DNAH11: variants seen among roughly 807,000 people sequenced by gnomAD.
DNAH11 encodes the protein dynein axonemal heavy chain 11, also known as axonemal beta dynein heavy chain 11.
In DNAH11, 442 loss-of-function variants were observed where a neutral mutation model predicts 526.0. The observed-to-expected ratio is 0.84, with a 90% CI of 0.78 to 0.91. The LOEUF (loss-of-function observed/expected upper bound fraction) is 0.91. Among genes scored for constraint, DNAH11 ranks in the 40% least tolerant of loss-of-function variants. The pLI is 0.00. For missense variants in DNAH11, 6,989 were observed against 5,448.7 expected, an observed-to-expected ratio of 1.28 and a Z score of -8.90; for synonymous variants, 2,461 against 1,935.9, an observed-to-expected ratio of 1.27 and a Z score of -7.12.
intron 45 of DNAH11, among the ~76,000 whole-genome samples, chr7:21,727,267 A>G (rs1785167553): frequency 6.6e-6 from 1 of 152,164 alleles, no homozygotes; most frequent in Admixed American, 6.5e-5. Context: ...TAACAACTTA[A>G]TTCTGTAATA....
At position 21,705,518 on chromosome 7, in the gene DNAH11, C is replaced by G; in HGVS notation, c.6527C>G (p.Ala2176Gly). The G allele has an allele frequency of 6.2e-7, 1 of 1,613,600 alleles. No homozygotes were observed. Among genetic ancestry groups the G allele is most frequent in the Non-Finnish European group, 8.5e-7 (1 of 1,179,636 alleles). ...VRHSVFVVGN[A>G]GTGKSKILRT... ...CACTCGGTCTTTGTAGTTGGAAATGCAGGCACAGGAAAGAGTAAGGTATAG... is the reference window on the plus strand; with the variant it reads ...CACTCGGTCTTTGTAGTTGGAAATGGAGGCACAGGAAAGAGTAAGGTATAG... The change falls in exon 39 of 82, where the codon GCA (alanine) becomes GGA (glycine). Residue 2176 changes from alanine to glycine, a missense_variant. Ala to Gly is a moderately conservative substitution (Grantham distance 60, BLOSUM62 0). Coordinates refer to ENST00000409508, the MANE Select transcript of DNAH11 (RefSeq NM_001277115.2).
At chr7:21,831,047 G>C (rs1790530428) in intron 65 of DNAH11, among the ~76,000 whole-genome samples, 1 of 152,200 alleles carries the variant, frequency 6.6e-6, no homozygotes, top group Non-Finnish European at 1.5e-5. Flanking sequence ...ACACCCACTT[G>C]ACTCTCCGTG....
At chr7:21,571,568 T>A (rs1783890544) in intron 7 of DNAH11, among the ~76,000 whole-genome samples, 1 of 152,150 alleles carries the variant, frequency 6.6e-6, no homozygotes, top group Admixed American at 6.5e-5. Context: ...GCGTGAGCCC[T>A]GTGCCTGGCC....
At chr7:21,639,760 G>C (rs542663947) in intron 28 of DNAH11, among the ~76,000 whole-genome samples, 1 of 152,102 alleles carries the variant, frequency 6.6e-6, no homozygotes, top group Non-Finnish European at 1.5e-5. Context: ...TATTCACTTA[G>C]ATCTTACAGT....
chr7:21,728,730 G>A (rs1425550284), intron 45 of DNAH11, among the ~76,000 whole-genome samples: 1 of 152,156 alleles, frequency 6.6e-6, no homozygotes, highest in Non-Finnish European at 1.5e-5. Context: ...AACCAGAGAA[G>A]TTACCTGCTT....
intron 61 of DNAH11, among the ~76,000 whole-genome samples, chr7:21,789,844 C>CTT: frequency 9.2e-6 from 1 of 108,946 alleles, no homozygotes; most frequent in African/African-American, 3.1e-5. Context: ...TTCTTTCTTT[C>CTT]TTTCTTTCTC....
intron 30 of DNAH11, among the ~76,000 whole-genome samples, chr7:21,664,996 G>A (rs560472547): frequency 1.6e-4 from 25 of 152,064 alleles, no homozygotes; most frequent in Admixed American, 1.6e-3. Context: ...AGCTGCCATG[G>A]CATTCGCTTA....
At chr7:21,728,350 C>T (rs1785228613) in intron 45 of DNAH11, among the ~76,000 whole-genome samples, 1 of 142,200 alleles carries the variant, frequency 7.0e-6, no homozygotes, top group Non-Finnish European at 1.5e-5. Flanking sequence ...CTCAGCCTCC[C>T]AGCTTCAAGC....
chr7:21,726,282 G>T (rs1461641595), intron 45 of DNAH11, among the ~76,000 whole-genome samples: 1 of 151,974 alleles, frequency 6.6e-6, no homozygotes, highest in Admixed American at 6.6e-5. Context: ...CATTAGAATA[G>T]TACCAAGATG....
chr7:21,653,723 C>T (rs1322094282), intron 28 of DNAH11, among the ~76,000 whole-genome samples: 3 of 152,164 alleles, frequency 2.0e-5, no homozygotes, highest in African/African-American at 7.2e-5. Context: ...CAGGCAGCTA[C>T]CGCTCTATCT....
chr7:21,780,656 A>G (rs1376521613), intron 57 of DNAH11, among the ~76,000 whole-genome samples: 1 of 152,244 alleles, frequency 6.6e-6, no homozygotes, highest in Non-Finnish European at 1.5e-5. Context: ...TTAGCAAATT[A>G]GAACTCATCT....
At chr7:21,711,999 A>C in intron 42 of DNAH11, 139 bp downstream of exon 42, 1 of 1,022,666 alleles carries the variant, frequency 9.8e-7, no homozygotes, top group Non-Finnish European at 1.4e-6. Context: ...TTATCTTCCC[A>C]AAGTGACACT....
chr7:21,717,217 CA>C (rs1424533569), intron 42 of DNAH11, among the ~76,000 whole-genome samples: 2 of 151,954 alleles, frequency 1.3e-5, no homozygotes, highest in African/African-American at 2.4e-5. Context: ...CACACACACA[CA>C]CACCCCAGCA....
chr7:21,608,066 T>C (rs1273083551), intron 20 of DNAH11, among the ~76,000 whole-genome samples: 1 of 151,712 alleles, frequency 6.6e-6, no homozygotes, highest in Non-Finnish European at 1.5e-5. Context: ...AATCAGAAAT[T>C]TTAACCACTA....
chr7:21,650,543 CTTTT>C (rs573023157), intron 28 of DNAH11, among the ~76,000 whole-genome samples: 1 of 136,750 alleles, frequency 7.3e-6, no homozygotes. Flanking sequence ...TCTAGAAGGC[CTTTT>C]TTTTTTTTTT....
chr7:21,638,231 A>T (rs1219476800), intron 27 of DNAH11, among the ~76,000 whole-genome samples: 1 of 152,222 alleles, frequency 6.6e-6, no homozygotes, highest in East Asian at 1.9e-4. Flanking sequence ...TGCTACTAAA[A>T]TGATGGGTTG....
intron 47 of DNAH11, 83 bp downstream of exon 47, chr7:21,738,949 TG>T: frequency 8.6e-6 from 10 of 1,162,844 alleles, no homozygotes; most frequent in Non-Finnish European, 1.2e-5. Context: ...ATAATTATTA[TG>T]AATAATTATT....
chr7:21,597,368 G>A lies in DNAH11; in HGVS notation c.2668-2419G>A, dbSNP rs1451536381. The stretch of plus-strand genomic sequence containing the variant: ...GCTATTAACTTCCTACTAGTGCGAC[G>A]CTGAATGTGTATTAGGTCTTTGTTT... On this transcript the variant is annotated intron_variant, in intron 14 of 81. Transcript: ENST00000409508. Among the ~76,000 whole-genome samples, 4 of 152,132 alleles carry A rather than the reference G, an allele frequency of 2.6e-5. No homozygotes were observed. The South Asian group carries it at 6.2e-4, about 24-fold the overall frequency.
At chr7:21,639,195 G>A in intron 28 of DNAH11, 130 bp downstream of exon 28, 2 of 1,140,912 alleles carry the variant, frequency 1.8e-6, no homozygotes, top group African/African-American at 1.6e-5. Context: ...GTTAAAATTT[G>A]TAATGTAGCA....
Sources: allele counts gnomAD v4.1 joint callset (sites outside exome capture counted in the v4.1 genomes callset), GRCh38; gene constraint gnomAD v4.1.1; transcripts MANE v1.5; gene names NCBI Gene and HGNC (gene_info 2026-07-23, HGNC 2026-07-21).